MYCBP2: variants seen among roughly 807,000 people sequenced by gnomAD.
The protein encoded by MYCBP2 is E3 ubiquitin-protein ligase MYCBP2.
A neutral mutation model predicts 525.3 loss-of-function variants in MYCBP2; 120 were observed. That is an observed-to-expected ratio of 0.23 (90% confidence interval 0.20 to 0.27). The LOEUF is 0.27. Among genes scored for constraint, MYCBP2 ranks in the 10% least tolerant of loss-of-function variants. The pLI is 1.00. For missense variants in MYCBP2, 4,149 were observed against 5,657.1 expected, an observed-to-expected ratio of 0.73 and a Z score of 8.55; for synonymous variants, 1,894 against 1,955.8, an observed-to-expected ratio of 0.97 and a Z score of 0.83.
rs397851660 is a variant in MYCBP2 at position 77,276,816 on chromosome 13, GTT to G, written c.748+1940_748+1941del. ...TGAGTAGCACTCATTTCCATGCCCA[GTT>G]TTTTTTTTTTTTTTTTTTTTTGGAG... On this transcript the variant is annotated intron_variant, in intron 4 of 82. Coordinates refer to ENST00000544440, the MANE Select transcript of MYCBP2 (RefSeq NM_015057.5). 8.4e-3 allele frequency among the ~76,000 whole-genome samples: 643 copies of G among 76,208 alleles called. 10 individuals carry two copies. The highest frequency in any genetic ancestry group is 0.032 in the African/African-American group (570 of 17,642). The allele number at this position is 76,208 out of a possible 152,430, so 50.0% of individuals were successfully genotyped here.
intron 14 of MYCBP2, among the ~76,000 whole-genome samples, chr13:77,253,780 A>T (rs1021909346): frequency 3.9e-5 from 6 of 151,978 alleles, no homozygotes; most frequent in Non-Finnish European, 7.4e-5. Context: ...AACTGACAAA[A>T]ATCAGTCTGT....
intron 47 of MYCBP2, among the ~76,000 whole-genome samples, chr13:77,149,714 T>C (rs2056174566): frequency 6.6e-6 from 1 of 152,202 alleles, no homozygotes; most frequent in Non-Finnish European, 1.5e-5. Context: ...CCCTCTTCCA[T>C]TATCAATTGG....
intron 60 of MYCBP2, 37 bp downstream of exon 60, chr13:77,090,069 C>A: frequency 1.3e-6 from 2 of 1,545,930 alleles, no homozygotes; most frequent in South Asian, 1.3e-5. Flanking sequence ...TTGTAGTAGT[C>A]AGATCACTCA....
At chr13:77,180,543 T>C (rs1476215543) in intron 33 of MYCBP2, among the ~76,000 whole-genome samples, 2 of 152,230 alleles carry the variant, frequency 1.3e-5, no homozygotes, top group African/African-American at 2.4e-5. Context: ...GAAATGTTTT[T>C]ATTAGCTTTG....
intron 45 of MYCBP2, among the ~76,000 whole-genome samples, chr13:77,157,534 C>G (rs932877357): frequency 3.3e-5 from 5 of 152,042 alleles, no homozygotes; most frequent in African/African-American, 1.2e-4. Flanking sequence ...TTATCATATA[C>G]TATCATAACT....
At chr13:77,306,825 C>T (rs999824322) in intron 1 of MYCBP2, among the ~76,000 whole-genome samples, 1 of 152,114 alleles carries the variant, frequency 6.6e-6, no homozygotes, top group African/African-American at 2.4e-5. Context: ...TGAGTGAGAA[C>T]AGCAGAACTA....
chr13:77,083,747 A>C (rs186298605), intron 62 of MYCBP2, among the ~76,000 whole-genome samples: 1 of 152,202 alleles, frequency 6.6e-6, no homozygotes, highest in Non-Finnish European at 1.5e-5. Flanking sequence ...AATATTAACT[A>C]TGGAATAACT....
chr13:77,044,850 G>A lies in MYCBP2; in HGVS notation c.*528C>T. ...TCTTATACAGGACAAACATTGATAT[G>A]TTTATATACAGTGTGATACTTATTA... On this transcript the variant is annotated 3_prime_UTR_variant, in exon 83 of 83. Transcript: ENST00000544440. 1 of 397,674 alleles carries A rather than the reference G, an allele frequency of 2.5e-6. No individual in the cohort carries two copies. 24.6% of individuals were successfully genotyped at this position (397,674 alleles called of 1,614,324 possible).
intron 26 of MYCBP2, among the ~76,000 whole-genome samples, chr13:77,203,665 C>G (rs1419139959): frequency 6.6e-6 from 1 of 152,140 alleles, no homozygotes; most frequent in Non-Finnish European, 1.5e-5. Context: ...GCTACAGTAA[C>G]CAAAACAGCA....
intron 20 of MYCBP2, among the ~76,000 whole-genome samples, chr13:77,222,616 C>G (rs2065750040): frequency 6.6e-6 from 1 of 152,118 alleles, no homozygotes; most frequent in Non-Finnish European, 1.5e-5. Context: ...ATGCTGGCAT[C>G]CTATCAAGGA....
At chr13:77,216,899 A>G (rs760226784) in intron 21 of MYCBP2, among the ~76,000 whole-genome samples, 1 of 152,202 alleles carries the variant, frequency 6.6e-6, no homozygotes, top group Non-Finnish European at 1.5e-5. Context: ...TACACAAGAC[A>G]TTGTCAAAGG....
At chr13:77,268,763 G>A (rs1315693733) in intron 7 of MYCBP2, among the ~76,000 whole-genome samples, 2 of 147,812 alleles carry the variant, frequency 1.4e-5, no homozygotes, top group Non-Finnish European at 3.0e-5. Context: ...TCAGCGACAA[G>A]AGCAAAACTA....
chr13:77,111,630 T>C (rs1035249369), intron 55 of MYCBP2, among the ~76,000 whole-genome samples: 17 of 151,632 alleles, frequency 1.1e-4, no homozygotes. Context: ...CGCTTTGTTG[T>C]CCAGACTGGT....
chr13:77,090,076 C>G, intron 60 of MYCBP2, 30 bp downstream of exon 60: 2 of 1,573,966 alleles, frequency 1.3e-6, no homozygotes, highest in Non-Finnish European at 1.7e-6. Flanking sequence ...AGTCAGATCA[C>G]TCAATATTCT....
At chr13:77,199,032 G>A (rs2062093624) in intron 26 of MYCBP2, among the ~76,000 whole-genome samples, 1 of 152,260 alleles carries the variant, frequency 6.6e-6, no homozygotes, top group East Asian at 1.9e-4. Context: ...TGTAGGGGGG[G>A]AGGAGGCAAG....
chr13:77,221,096 T>A (rs775509747), intron 20 of MYCBP2, among the ~76,000 whole-genome samples: 1 of 152,174 alleles, frequency 6.6e-6, no homozygotes, highest in Admixed American at 6.5e-5. Flanking sequence ...CCAGGTTCGA[T>A]GACTATGTAG....
At chr13:77,226,765 T>C (rs929309711) in intron 18 of MYCBP2, among the ~76,000 whole-genome samples, 3 of 152,302 alleles carry the variant, frequency 2.0e-5, no homozygotes, top group East Asian at 1.9e-4. Flanking sequence ...TAAATGCCTA[T>C]AATTTCAAGA....
At chr13:77,145,728 C>A (rs543435965) in intron 48 of MYCBP2, among the ~76,000 whole-genome samples, 3 of 152,012 alleles carry the variant, frequency 2.0e-5, no homozygotes, top group East Asian at 3.9e-4. Context: ...GTCCTTAAAT[C>A]TGAAGTTAAC....
At chr13:77,163,817 A>G (rs1028344865) in intron 43 of MYCBP2, among the ~76,000 whole-genome samples, 1 of 152,112 alleles carries the variant, frequency 6.6e-6, no homozygotes, top group African/African-American at 2.4e-5. Context: ...TTCAAGTCCA[A>G]TGATAGATTT....
Sources: allele counts gnomAD v4.1 joint callset (sites outside exome capture counted in the v4.1 genomes callset), GRCh38; gene constraint gnomAD v4.1.1; transcripts MANE v1.5; gene names NCBI Gene and HGNC (gene_info 2026-07-23, HGNC 2026-07-21).